TBC1D9: variants seen among roughly 807,000 people sequenced by gnomAD.
TBC1D9 encodes TBC1 domain family member 9.
A neutral mutation model predicts 132.0 loss-of-function variants in TBC1D9; 63 were observed. The observed-to-expected ratio is 0.48, with a 90% CI of 0.39 to 0.59. The LOEUF (loss-of-function observed/expected upper bound fraction) is 0.59, where lower values mean the gene tolerates loss of function less well. Ranked by LOEUF, TBC1D9 falls within the 20% of genes least tolerant of loss-of-function variation. The probability of loss-of-function intolerance (pLI) is 0.00; values close to 1 mark genes in which losing one functional copy is unlikely to be tolerated. For missense variants in TBC1D9, 1,261 were observed against 1,592.7 expected, an observed-to-expected ratio of 0.79 and a Z score of 3.54; for synonymous variants, 610 against 609.9, an observed-to-expected ratio of 1.00 and a Z score of 0.00.
At chr4:140,635,972 G>A (rs1560867790) in intron 15 of TBC1D9, among the ~76,000 whole-genome samples, 1 of 152,142 alleles carries the variant, frequency 6.6e-6, no homozygotes, top group Non-Finnish European at 1.5e-5. Flanking sequence ...TATTCCGGGA[G>A]GGAACCCCTT....
At chr4:140,626,638 A>G (rs1161255375) in intron 18 of TBC1D9, among the ~76,000 whole-genome samples, 1 of 152,250 alleles carries the variant, frequency 6.6e-6, no homozygotes, top group South Asian at 2.1e-4. Flanking sequence ...AAGCCAAAAG[A>G]CAATGCTAGA....
chr4:140,703,581 T>C (rs79990986), intron 1 of TBC1D9, among the ~76,000 whole-genome samples: 3,305 of 152,252 alleles, frequency 0.022, 75 homozygotes, highest in Admixed American at 0.06. Context: ...TGAACCAGAG[T>C]TATTAATCAA....
In TBC1D9 at chr4:140,669,816, G is replaced by A; in HGVS notation, c.1267-12C>T. On this transcript the variant is annotated splice_polypyrimidine_tract_variant and intron_variant, in intron 7 of 20. Coordinates refer to ENST00000442267, the MANE Select transcript of TBC1D9 (RefSeq NM_015130.3). ...GGTCGAGAGTACACCTGTCAATACA[G>A]AGAGGAACAAGACATTGGGAGGACA... is the stretch of plus-strand genomic sequence containing the variant. 6.2e-7 allele frequency: 1 copy of A among 1,606,094 alleles called. No individual in the cohort carries two copies.
chr4:140,687,092 C>G (rs1737791693), intron 2 of TBC1D9, among the ~76,000 whole-genome samples: 1 of 151,796 alleles, frequency 6.6e-6, no homozygotes, highest in Non-Finnish European at 1.5e-5. Flanking sequence ...TAATAAGAAG[C>G]ATTTAAGATA....
intron 2 of TBC1D9, among the ~76,000 whole-genome samples, chr4:140,698,792 A>T (rs1738017995): frequency 1.3e-5 from 2 of 152,128 alleles, no homozygotes; most frequent in Admixed American, 1.3e-4. Flanking sequence ...GGTACTACTA[A>T]ATCCTTGAAG....
chr4:140,715,503 C>G (rs1361507703), intron 1 of TBC1D9, among the ~76,000 whole-genome samples: 2 of 152,162 alleles, frequency 1.3e-5, no homozygotes, highest in Admixed American at 1.3e-4. Flanking sequence ...CAACAAAAAC[C>G]CTAACTAACC....
intron 1 of TBC1D9, among the ~76,000 whole-genome samples, chr4:140,714,509 G>C (rs1338719386): frequency 6.6e-6 from 1 of 152,090 alleles, no homozygotes; most frequent in Non-Finnish European, 1.5e-5. Flanking sequence ...TAAGATAAGG[G>C]GTTATGGAGA....
rs144373517 is a variant in TBC1D9 at position 140,706,445 on chromosome 4, C to T, written c.131-4831G>A. Among the ~76,000 whole-genome samples the T allele has an allele frequency of 2.8e-4, 43 of 152,190 alleles. No individual in the cohort carries two copies. Among genetic ancestry groups the T allele is most frequent in the African/African-American group, 9.9e-4 (41 of 41,536 alleles). On this transcript the variant is annotated intron_variant, in intron 1 of 20. Transcript: ENST00000442267. This position sits in a 1 kb window ranked among gnomAD's most constrained non-coding sequence, Gnocchi z 4.0. The stretch of plus-strand genomic sequence containing the variant: ...TAGAAAGTGCTTAGTATGCACTAAG[C>T]ACTATTGTGTAATGAATCATTCAAA...
Position 140,756,014 on chromosome 4 carries a change from G to T in TBC1D9, c.32C>A (p.Ala11Asp). The change falls in exon 1 of 21, where the codon GCC becomes GAC. Residue 11 changes from alanine (A) to aspartate (D), a missense_variant. Coordinates refer to ENST00000442267, the MANE Select transcript of TBC1D9 (RefSeq NM_015130.3). The surrounding 1 kb of genome is among the most constrained non-coding windows in gnomAD (Gnocchi z 5.6). ...CCTCTCGGTGATCCACAGCGCGTTGGCCAGCAACACCTCCTCCGGGTTCAC... is the reference window on the plus strand; with the variant it reads ...CCTCTCGGTGATCCACAGCGCGTTGTCCAGCAACACCTCCTCCGGGTTCAC... MWVNPEEVLL[A>D]NALWITERAN... 1 of 1,609,396 alleles carries T rather than the reference G, an allele frequency of 6.2e-7. No individual in the cohort carries two copies. The highest frequency in any genetic ancestry group is 8.5e-7 in the Non-Finnish European group (1 of 1,177,608).
intron 1 of TBC1D9, among the ~76,000 whole-genome samples, chr4:140,742,402 G>T (rs542105987): frequency 1.3e-5 from 2 of 151,716 alleles, no homozygotes; most frequent in East Asian, 3.9e-4. Context: ...CATGGTGGCG[G>T]GCATCTGTAG....
At position 140,624,229 on chromosome 4, in the gene TBC1D9, A is replaced by G. The variant is rs773440545; in HGVS notation, c.2975-10T>C. ...GAATTTGCTCTCTTCCCTACAACCC[A>G]AATGTCAAGAAATAAGTGCTTACAG... On this transcript the variant is annotated splice_polypyrimidine_tract_variant and intron_variant, in intron 19 of 20. Transcript: ENST00000442267. 1.9e-6 allele frequency: 3 copies of G among 1,610,948 alleles called. No homozygotes were observed. The South Asian group carries it at 3.3e-5, about 18-fold the overall frequency.
At position 140,627,621 on chromosome 4, in the gene TBC1D9, T is replaced by C. The variant is rs750267742; in HGVS notation, c.2813-94A>G. On this transcript the variant is annotated intron_variant, in intron 17 of 20. Transcript: ENST00000442267. ...TTAAATAAAATGACATAAGTGGGGATGAAAAGCTAAAGTTACAAAGGTGGG... is the reference window on the plus strand; with the variant it reads ...TTAAATAAAATGACATAAGTGGGGACGAAAAGCTAAAGTTACAAAGGTGGG... 2.6e-4 allele frequency: 223 copies of C among 855,502 alleles called. 2 individuals are homozygous for C. The Middle Eastern group carries it at 0.014, about 53-fold the overall frequency. The allele number at this position is 855,502 out of a possible 1,614,324, so 53.0% of individuals were successfully genotyped here.
At chr4:140,699,020 T>C (rs1738022304) in intron 2 of TBC1D9, among the ~76,000 whole-genome samples, 1 of 152,170 alleles carries the variant, frequency 6.6e-6, no homozygotes. Flanking sequence ...CCAAATATAA[T>C]TGTCTTTATA....
chr4:140,743,727 C>A (rs1250922182), intron 1 of TBC1D9, among the ~76,000 whole-genome samples: 1 of 152,172 alleles, frequency 6.6e-6, no homozygotes, highest in Non-Finnish European at 1.5e-5. Flanking sequence ...AATTACAAAT[C>A]CTGTTCTGTA....
At chr4:140,634,326 C>T (rs1281422672) in intron 15 of TBC1D9, 138 bp from the exon 16 acceptor site, 9 of 1,217,436 alleles carry the variant, frequency 7.4e-6, no homozygotes, top group South Asian at 4.5e-5. Flanking sequence ...CTCAGGGCCC[C>T]CTTGGTCTCT....
chr4:140,698,529 C>T (rs1738011754), intron 2 of TBC1D9, among the ~76,000 whole-genome samples: 1 of 152,128 alleles, frequency 6.6e-6, no homozygotes, highest in Admixed American at 6.5e-5. Context: ...GTGGGCGGAT[C>T]ATGAGATCAG....
intron 2 of TBC1D9, among the ~76,000 whole-genome samples, chr4:140,692,075 T>G (rs1161519162): frequency 6.6e-6 from 1 of 152,240 alleles, no homozygotes; most frequent in Non-Finnish European, 1.5e-5. Flanking sequence ...TTTCTGGGAC[T>G]GCAGAACTTG....
chr4:140,695,193 G>A (rs1251981287), intron 2 of TBC1D9, among the ~76,000 whole-genome samples: 3 of 152,182 alleles, frequency 2.0e-5, no homozygotes, highest in African/African-American at 7.2e-5. Context: ...GTCCTGGGAT[G>A]GGAGTGGGGA....
At chr4:140,740,038 T>C (rs759502836) in intron 1 of TBC1D9, among the ~76,000 whole-genome samples, 3 of 152,198 alleles carry the variant, frequency 2.0e-5, no homozygotes, top group Non-Finnish European at 4.4e-5. Context: ...GAGGTACAGT[T>C]ATGGGTGTGC....
Sources: allele counts gnomAD v4.1 joint callset (sites outside exome capture counted in the v4.1 genomes callset), GRCh38; gene constraint gnomAD v4.1.1; non-coding constraint Gnocchi (gnomAD v3.1); transcripts MANE v1.5; gene names NCBI Gene and HGNC (gene_info 2026-07-23, HGNC 2026-07-21).